ARHGAP6: variants seen among roughly 807,000 people sequenced by gnomAD.
ARHGAP6 encodes the protein rho GTPase-activating protein 6.
ARHGAP6 carries 16 observed loss-of-function variants against 55.7 expected under a neutral mutation model. That is an observed-to-expected ratio of 0.29 (90% confidence interval 0.19 to 0.44). The LOEUF is 0.44. ARHGAP6 is among the 20% of genes least tolerant of loss of function. ARHGAP6 has a pLI of 1.00. For synonymous variants in ARHGAP6, 382 were observed against 360.9 expected, an observed-to-expected ratio of 1.06 and a Z score of -0.66; for missense variants, 698 against 808.9, an observed-to-expected ratio of 0.86 and a Z score of 1.66.
intron 2 of ARHGAP6, chrX:11,225,750 C>T (rs963279896): frequency 1.7e-6 from 1 of 578,309 alleles, no homozygotes; most frequent in Non-Finnish European, 2.7e-6. Context: ...ATGAGCAATT[C>T]ACAAAGGTCT....
chrX:11,345,074 T>G (rs1233712096), intron 1 of ARHGAP6, among the ~76,000 whole-genome samples: 1 of 112,537 alleles, frequency 8.9e-6, no homozygotes, highest in African/African-American at 3.2e-5. Context: ...ATTTACTGTC[T>G]TTTAGATTCA....
intron 1 of ARHGAP6, among the ~76,000 whole-genome samples, chrX:11,408,965 T>C (rs373380128): frequency 4.6e-5 from 5 of 108,982 alleles, no homozygotes; most frequent in African/African-American, 1.7e-4. Flanking sequence ...TCACACTGCT[T>C]AACTGTTTCT....
chrX:11,642,582 A>G (rs183221149), intron 1 of ARHGAP6, among the ~76,000 whole-genome samples: 18 of 112,415 alleles, frequency 1.6e-4, no homozygotes, highest in African/African-American at 5.5e-4. Context: ...TGGTCTATCC[A>G]CACAATGGAA....
chrX:11,354,688 C>T (rs1416802067), intron 1 of ARHGAP6, among the ~76,000 whole-genome samples: 1 of 110,969 alleles, frequency 9.0e-6, no homozygotes, highest in Non-Finnish European at 1.9e-5. Flanking sequence ...TTTCCGGAAA[C>T]TTTGTGGATC....
chrX:11,352,002 G>GTGA, intron 1 of ARHGAP6, among the ~76,000 whole-genome samples: 2 of 112,528 alleles, frequency 1.8e-5, no homozygotes, highest in East Asian at 5.6e-4. Context: ...CACTCAGCAT[G>GTGA]TGATCTGTTC....
At chrX:11,595,026 C>G (rs1356175099) in intron 1 of ARHGAP6, among the ~76,000 whole-genome samples, 1 of 111,843 alleles carries the variant, frequency 8.9e-6, no homozygotes, top group East Asian at 2.8e-4. Context: ...CGCAGTGGCT[C>G]ACACCTGTAA....
chrX:11,399,354 C>CAAAAAAAAAAAAAAAA (rs56197001), intron 1 of ARHGAP6, among the ~76,000 whole-genome samples: 7 of 35,272 alleles, frequency 2.0e-4, no homozygotes, highest in African/African-American at 4.3e-4. Context: ...AATAAGCAAT[C>CAAAAAAAAAAAAAAAA]AAAAAAAAAA....
intron 2 of ARHGAP6, chrX:11,225,852 C>T (rs1218884641): frequency 8.4e-6 from 2 of 238,749 alleles, no homozygotes; most frequent in East Asian, 7.3e-5. Context: ...TATGGAAAGA[C>T]CTTTTTTTTT....
rs1448927683 is a variant in ARHGAP6, at chrX:11,246,281, T to C, written c.748+8267A>G. Among the ~76,000 whole-genome samples, 19 of 111,073 alleles carry C rather than the reference T, an allele frequency of 1.7e-4. No homozygotes were observed. The Admixed American group carries it at 1.8e-3, about 11-fold the overall frequency. ...ATGTCAGGAAGTGATTTAAGCTCAT[T>C]ATGGTTATTATTTCATTTAAATCTC... On this transcript the variant is annotated intron_variant, in intron 2 of 12. Transcript: ENST00000337414.
intron 1 of ARHGAP6, among the ~76,000 whole-genome samples, chrX:11,427,009 T>C (rs1398557893): frequency 1.8e-5 from 2 of 110,135 alleles, no homozygotes; most frequent in African/African-American, 6.6e-5. Context: ...GCGTGCAACA[T>C]TAATGATAAT....
In ARHGAP6 at chrX:11,298,444, T is replaced by C. The variant is rs2048120975; in HGVS notation, c.589-43737A>G. Reference sequence around the variant, plus strand: ...GTTACAAATTTTTGCAAAGGAAAAATGAATAAAATATTCCTATAGCCATAA... The same window carrying C: ...GTTACAAATTTTTGCAAAGGAAAAACGAATAAAATATTCCTATAGCCATAA... On this transcript the variant is annotated intron_variant, in intron 1 of 12. Coordinates refer to ENST00000337414, the MANE Select transcript of ARHGAP6 (RefSeq NM_013427.3). The C allele has an allele frequency of 6.0e-6, 7 of 1,164,946 alleles. No homozygotes were observed. In the East Asian group the frequency reaches 2.1e-4, roughly 35 times the overall value.
chrX:11,289,403 T>C (rs898352259), intron 1 of ARHGAP6, among the ~76,000 whole-genome samples: 1 of 111,704 alleles, frequency 9.0e-6, no homozygotes, highest in Non-Finnish European at 1.9e-5. Context: ...ATTCACAGAT[T>C]ATTTAAAAGA....
rs753773356 is a variant in ARHGAP6, at chrX:11,509,707, GT to G, written c.588+154533del. 2.8e-3 allele frequency among the ~76,000 whole-genome samples: 316 copies of G among 112,286 alleles called. 1 individual carries two copies. The highest frequency in any genetic ancestry group is 8.9e-3 in the African/African-American group (277 of 30,979). ...AAATCGTAAGTCTAAAATCCAGAAGGTTATCAGAAAAGAAAATCCAGAAAGC... is the reference window on the plus strand; with the variant it reads ...AAATCGTAAGTCTAAAATCCAGAAGGTATCAGAAAAGAAAATCCAGAAAGC... On this transcript the variant is annotated intron_variant, in intron 1 of 12. Coordinates refer to ENST00000337414, the MANE Select transcript of ARHGAP6 (RefSeq NM_013427.3).
intron 1 of ARHGAP6, among the ~76,000 whole-genome samples, chrX:11,407,217 A>T (rs763699306): frequency 1.3e-4 from 14 of 111,658 alleles, no homozygotes; most frequent in Non-Finnish European, 2.1e-4. Flanking sequence ...CCTATTCTGG[A>T]TATTTCATGT....
At chrX:11,366,118 T>C (rs1280219695) in intron 1 of ARHGAP6, among the ~76,000 whole-genome samples, 1 of 112,146 alleles carries the variant, frequency 8.9e-6, no homozygotes, top group Admixed American at 9.5e-5. Flanking sequence ...TACCTGCAAA[T>C]AGCATCACAC....
rs1234284013 is a variant in ARHGAP6, at chrX:11,629,846, C to A, written c.588+34395G>T. 2.7e-5 allele frequency among the ~76,000 whole-genome samples: 3 copies of A among 111,504 alleles called. No individual in the cohort carries two copies. In the Admixed American group the frequency reaches 2.9e-4, roughly 11 times the overall value. On this transcript the variant is annotated intron_variant, in intron 1 of 12. Transcript: ENST00000337414. ...GCTTCTGCTCTTAACTTACAAAATA[C>A]AATTCTTAAAGGCAATTTTTGAGAA... is the stretch of plus-strand genomic sequence containing the variant.
At chrX:11,588,679 T>C (rs959512939) in intron 1 of ARHGAP6, among the ~76,000 whole-genome samples, 2 of 112,306 alleles carry the variant, frequency 1.8e-5, no homozygotes, top group Non-Finnish European at 1.9e-5. Flanking sequence ...AGACCACATA[T>C]TGTATGACTG....
intron 1 of ARHGAP6, among the ~76,000 whole-genome samples, chrX:11,636,296 T>G (rs2052418623): frequency 8.9e-6 from 1 of 112,089 alleles, no homozygotes; most frequent in South Asian, 3.7e-4. Flanking sequence ...ATAATTACTA[T>G]CACCATCAAC....
chrX:11,502,643 A>G (rs1031869897), intron 1 of ARHGAP6, among the ~76,000 whole-genome samples: 2 of 111,950 alleles, frequency 1.8e-5, no homozygotes, highest in Non-Finnish European at 3.8e-5. Context: ...ACAAGAAGAC[A>G]TGAGGATGAT....
Sources: gnomAD v4.1 joint callset for allele counts (sites outside exome capture counted in the v4.1 genomes callset) on GRCh38, gnomAD v4.1.1 for gene constraint, MANE v1.5 for transcripts, NCBI Gene and HGNC (gene_info 2026-07-23, HGNC 2026-07-21) for gene names.